The following CCNF variants were observed in gnomAD, a reference collection of about 807,000 sequenced individuals.
The protein encoded by CCNF is cyclin-F.
A neutral mutation model predicts 85.4 loss-of-function variants in CCNF; 30 were observed. The observed-to-expected ratio is 0.35, with a 90% CI of 0.26 to 0.48. CCNF has a LOEUF of 0.48. Ranked by LOEUF, CCNF falls within the 20% of genes least tolerant of loss-of-function variation. The pLI is 0.99. For missense variants in CCNF, 919 were observed against 1,010.4 expected, an observed-to-expected ratio of 0.91 and a Z score of 1.23; for synonymous variants, 439 against 425.1, an observed-to-expected ratio of 1.03 and a Z score of -0.40.
chr16:2,437,617 G>C, intron 5 of CCNF: 1 of 372,546 alleles, frequency 2.7e-6, no homozygotes, highest in Non-Finnish European at 4.9e-6. Context: ...GGCCAGGTGT[G>C]GTGGCTCACG....
rs1353069134 is a variant in CCNF at position 2,457,590 on chromosome 16, C to T, written c.*570C>T. ...CGTCCCTGCACACTGCGAGGACTGC[C>T]TTGGCCACAGGCCCACTCCCTACGA... On this transcript the variant is annotated 3_prime_UTR_variant, in exon 17 of 17. Transcript: ENST00000397066. 1 of 153,048 alleles carries T rather than the reference C, an allele frequency of 6.5e-6. No individual in the cohort carries two copies. Among genetic ancestry groups the T allele is most frequent in the Non-Finnish European group, 1.5e-5 (1 of 68,612 alleles). 9.5% of individuals were successfully genotyped at this position (153,048 alleles called of 1,614,324 possible). A position where few individuals can be genotyped will look rare whatever the true frequency, so the allele number is the denominator to read the frequency against.
intron 3 of CCNF, among the ~76,000 whole-genome samples, chr16:2,434,514 G>C (rs190643724): frequency 6.6e-6 from 1 of 151,452 alleles, no homozygotes; most frequent in Admixed American, 6.6e-5. Context: ...AGGAGGCTGA[G>C]GCAGGAGAAT....
intron 3 of CCNF, among the ~76,000 whole-genome samples, chr16:2,433,855 G>A (rs1199420583): frequency 2.6e-5 from 4 of 152,168 alleles, no homozygotes; most frequent in Non-Finnish European, 4.4e-5. Flanking sequence ...ACAGGGATTC[G>A]CTGTGAGCCT....
At chr16:2,441,244 A>G (rs11643319) in intron 8 of CCNF, among the ~76,000 whole-genome samples, 113,796 of 150,878 alleles carry the variant, frequency 0.75, 43,829 homozygotes, top group African/African-American at 0.92. Flanking sequence ...AAAAAAAAAA[A>G]AATTAGCTGG....
rs984381828 is a variant in CCNF at position 2,437,291 on chromosome 16, A to G, written c.509A>G (p.Glu170Gly). 13 of 1,605,234 alleles carry G rather than the reference A, an allele frequency of 8.1e-6. No homozygotes were observed. Among genetic ancestry groups the G allele is most frequent in the African/African-American group, 1.3e-5 (1 of 74,990 alleles). Reference protein sequence around the residue: ...SGSCCKAVVHESLRAECQLQR... With the variant: ...SGSCCKAVVHGSLRAECQLQR... The stretch of plus-strand genomic sequence containing the variant: ...AGCTGCTGCAAGGCCGTGGTTCACG[A>G]GAGCCTCAGGGCAGAGTGCCAGCTG... Residue 170 changes from glutamate (E) to glycine (G), a missense_variant, in exon 5 of 17, where the codon GAG (glutamate) becomes GGG (glycine). By Grantham distance (98) the Glu-to-Gly change is moderately conservative. Coordinates refer to ENST00000397066, the MANE Select transcript of CCNF (RefSeq NM_001761.3).
intron 4 of CCNF, 91 bp from the exon 5 acceptor site, chr16:2,437,038 A>G (rs2141817358): frequency 8.9e-7 from 1 of 1,117,612 alleles, no homozygotes. Flanking sequence ...GGTGGGCTTC[A>G]GGCATTACAC....
chr16:2,443,167 A>AAT (rs1326879825), intron 8 of CCNF, among the ~76,000 whole-genome samples: 1 of 9,622 alleles, frequency 1.0e-4, no homozygotes, highest in Non-Finnish European at 1.5e-4. Flanking sequence ...TATTATATAT[A>AAT]ATATATATAT....
chr16:2,455,081 A>C (rs2065418620), intron 15 of CCNF, among the ~76,000 whole-genome samples: 1 of 151,404 alleles, frequency 6.6e-6, no homozygotes, highest in African/African-American at 2.4e-5. Context: ...AAAAAAAAAA[A>C]ACACTGGAAG....
intron 1 of CCNF, chr16:2,430,879 C>A: frequency 1.6e-6 from 1 of 641,750 alleles, no homozygotes; most frequent in Non-Finnish European, 2.9e-6. Context: ...AGTTACATGA[C>A]ATGCGCTATT....
chr16:2,443,679 A>T lies in CCNF; in HGVS notation c.808A>T (p.Asn270Tyr). The T allele has an allele frequency of 6.2e-7, 1 of 1,614,134 alleles. No individual in the cohort carries two copies. Among genetic ancestry groups the T allele is most frequent in the Non-Finnish European group, 8.5e-7 (1 of 1,180,010 alleles). The change falls in exon 9 of 17, where the codon AAC becomes TAC. Residue 270 changes from asparagine (N) to tyrosine (Y), a missense_variant. Asn to Tyr is a moderately radical substitution (Grantham distance 143). Coordinates refer to ENST00000397066, the MANE Select transcript of CCNF (RefSeq NM_001761.3). ...LSLAKACANA[N>Y]QLGLEVRASS... ...TTTAGCCAAAGCCTGTGCAAATGCA[A>T]ACCAGCTTGGACTGGAGGTGAGAGC...
intron 15 of CCNF, among the ~76,000 whole-genome samples, chr16:2,454,423 C>T (rs1459415606): frequency 6.6e-6 from 1 of 152,210 alleles, no homozygotes; most frequent in Non-Finnish European, 1.5e-5. Flanking sequence ...CACGGCTACT[C>T]CAGGAGGGGG....
Position 2,448,903 on chromosome 16 carries a change from G to C in CCNF, c.1143G>C (p.Thr381=). The part of the protein sequence containing the change: ...ILTIREAVWL[T]DNTYKYEDLV... ...CCATCCGGGAGGCCGTATGGCTCAC[G>C]GACAACACTTACAAGTACGAGGACC... is the stretch of plus-strand genomic sequence containing the variant. The change falls in exon 11 of 17, where the codon ACG becomes ACC. Residue 381 remains threonine, a synonymous_variant. Coordinates refer to ENST00000397066, the MANE Select transcript of CCNF (RefSeq NM_001761.3). 2 of 1,614,082 alleles carry C rather than the reference G, an allele frequency of 1.2e-6. No individual in the cohort carries two copies. The highest frequency in any genetic ancestry group is 1.7e-6 in the Non-Finnish European group (2 of 1,179,904).
intron 3 of CCNF, among the ~76,000 whole-genome samples, chr16:2,433,556 C>CT (rs1035477325): frequency 2.3e-4 from 35 of 152,168 alleles, no homozygotes; most frequent in South Asian, 8.3e-4. Context: ...GGGGATTTTT[C>CT]TTTTTTGTTG....
At chr16:2,445,948 T>C (rs1291280642) in intron 10 of CCNF, among the ~76,000 whole-genome samples, 2 of 152,110 alleles carry the variant, frequency 1.3e-5, no homozygotes, top group Non-Finnish European at 2.9e-5. Context: ...CAGGCTGGTC[T>C]CAAACTCTTG....
intron 13 of CCNF, among the ~76,000 whole-genome samples, chr16:2,450,987 C>T (rs1023263941): frequency 6.6e-6 from 1 of 152,234 alleles, no homozygotes; most frequent in Non-Finnish European, 1.5e-5. Context: ...CCCTGTCTGC[C>T]CCAGCCCCAC....
Position 2,458,255 on chromosome 16 carries a change from T to G in CCNF, c.*1235T>G, listed in dbSNP as rs2065442005. The G allele has an allele frequency of 6.9e-6, 1 of 145,696 alleles. No individual in the cohort carries two copies. Among genetic ancestry groups the G allele is most frequent in the Non-Finnish European group, 1.5e-5 (1 of 65,856 alleles). 9.0% of individuals were successfully genotyped at this position (145,696 alleles called of 1,614,324 possible). ...TGGCCAGAAGTGTCCCCCAGATGCT[T>G]TTTTTTTTTTTTTTTTGGAGACAGT... On this transcript the variant is annotated 3_prime_UTR_variant, in exon 17 of 17. Transcript: ENST00000397066.
chr16:2,437,203 CT>C lies in CCNF; in HGVS notation c.422del (p.Leu141ArgfsTer19). ...TCGCTTCTTCAGTCTCGCTGAGCGG[CT>C]GAATGTGGGTGCCGCACCTTTCATC... ...ASRFFSLAERLNVGAAPFIWL... is the reference protein window; with the variant it reads ...ASRFFSLAERXNVGAAPFIWL... On this transcript the variant is annotated frameshift_variant, in exon 5 of 17. Transcript: ENST00000397066. LOFTEE classifies it high-confidence loss of function. The C allele has an allele frequency of 6.2e-7, 1 of 1,613,026 alleles. No individual in the cohort carries two copies. The highest frequency in any genetic ancestry group is 8.5e-7 in the Non-Finnish European group (1 of 1,179,426).
Position 2,456,838 on chromosome 16 carries a change from G to A in CCNF, c.2179G>A (p.Val727Met). 1 of 1,614,038 alleles carries A rather than the reference G, an allele frequency of 6.2e-7. No homozygotes were observed. The highest frequency in any genetic ancestry group is 8.5e-7 in the Non-Finnish European group (1 of 1,180,028). Residue 727 changes from valine to methionine, a missense_variant, in exon 17 of 17, where the codon GTG becomes ATG. Val to Met is a conservative substitution (Grantham distance 21). Around this residue, in one of 3 missense-constraint regions of CCNF, gnomAD observed 505 missense variants for 514.8 expected, o/e 0.98. Transcript: ENST00000397066. This position sits in a 1 kb window ranked among gnomAD's most constrained non-coding sequence, Gnocchi z 4.5. ...GLGALPQPTS[V>M]LSLDSDSHTQ... ...GGGGGCCCTGCCCCAACCTACCTCA[G>A]TGCTGTCCCTGGACAGTGACTCGCA...
chr16:2,453,021 T>C lies in CCNF; in HGVS notation c.1488-189T>C, dbSNP rs952585827. The C allele has an allele frequency of 4.9e-6, 3 of 608,300 alleles. No individual in the cohort carries two copies. Among genetic ancestry groups the C allele is most frequent in the Non-Finnish European group, 8.8e-6 (3 of 340,480 alleles). 37.7% of individuals were successfully genotyped at this position (608,300 alleles called of 1,614,324 possible). A position where few individuals can be genotyped will look rare whatever the true frequency, so the allele number is the denominator to read the frequency against. On this transcript the variant is annotated intron_variant, in intron 13 of 16. Coordinates refer to ENST00000397066, the MANE Select transcript of CCNF (RefSeq NM_001761.3). The surrounding 1 kb of genome is among the most constrained non-coding windows in gnomAD (Gnocchi z 5.6). ...CTGTGTGGACATAGTTTTTCCTTTT[T>C]CCTGGGTCTTTACCTAGAGAGGAAT... is the stretch of plus-strand genomic sequence containing the variant.
Sources: allele counts gnomAD v4.1 joint callset (sites outside exome capture counted in the v4.1 genomes callset), GRCh38; gene constraint gnomAD v4.1.1; regional missense constraint gnomAD v4.1.1; non-coding constraint Gnocchi (gnomAD v3.1); transcripts MANE v1.5; gene names NCBI Gene and HGNC (gene_info 2026-07-23, HGNC 2026-07-21).